GRID1: variants seen among roughly 807,000 people sequenced by gnomAD.
The protein encoded by GRID1 is glutamate receptor ionotropic, delta-1.
In GRID1, 28 loss-of-function variants were observed where a neutral mutation model predicts 98.0. That is an observed-to-expected ratio of 0.29 (90% CI 0.21 to 0.39). The LOEUF is 0.39. Ranked by LOEUF, GRID1 falls within the 10% of genes least tolerant of loss-of-function variation. The pLI is 1.00. For missense variants in GRID1, 1,111 were observed against 1,340.5 expected (o/e 0.83, Z 2.67); for synonymous variants, 553 against 538.5 (o/e 1.03, Z -0.37).
At chr10:86,315,484 A>G (rs577608499) in intron 2 of GRID1, among the ~76,000 whole-genome samples, 2 of 152,314 alleles carry the variant, frequency 1.3e-5, no homozygotes, top group South Asian at 4.1e-4. Flanking sequence ...AACTCCTCTC[A>G]GAACTACTAC....
intron 4 of GRID1, among the ~76,000 whole-genome samples, chr10:85,966,874 C>T (rs1458790389): frequency 6.6e-6 from 1 of 151,788 alleles, no homozygotes; most frequent in African/African-American, 2.4e-5. Context: ...ACTAAGAAAA[C>T]TGAGCAGAGA....
intron 10 of GRID1, among the ~76,000 whole-genome samples, chr10:85,726,145 G>A (rs1841757819): frequency 6.6e-6 from 1 of 152,194 alleles, no homozygotes. Flanking sequence ...GAGATGGCAG[G>A]TGCCTGCAGA....
chr10:85,697,668 C>T (rs1841408729), intron 12 of GRID1, among the ~76,000 whole-genome samples: 1 of 152,154 alleles, frequency 6.6e-6, no homozygotes, highest in African/African-American at 2.4e-5. Flanking sequence ...ATATGAACCA[C>T]CTTCCTTTAC....
intron 4 of GRID1, among the ~76,000 whole-genome samples, chr10:86,108,156 C>T (rs1235322331): frequency 3.9e-5 from 6 of 152,160 alleles, no homozygotes; most frequent in Non-Finnish European, 8.8e-5. Context: ...GGGGTCGGAG[C>T]CCCACAGCCT....
intron 8 of GRID1, among the ~76,000 whole-genome samples, chr10:85,850,658 T>C (rs1843049917): frequency 6.6e-6 from 1 of 151,946 alleles, no homozygotes; most frequent in Non-Finnish European, 1.5e-5. Flanking sequence ...TCTTGTGGAG[T>C]CTGAGATAGA....
At chr10:85,904,645 A>G (rs1841434587) in intron 5 of GRID1, among the ~76,000 whole-genome samples, 1 of 152,196 alleles carries the variant, frequency 6.6e-6, no homozygotes, top group Admixed American at 6.5e-5. Flanking sequence ...TCAAAATATA[A>G]GTAGAGACAT....
At chr10:85,995,819 T>C (rs12767025) in intron 4 of GRID1, among the ~76,000 whole-genome samples, 9,965 of 152,274 alleles carry the variant, frequency 0.065, 395 homozygotes, top group Non-Finnish European at 0.092. Context: ...AGAGTGAGGA[T>C]GTCACAGAGA....
At chr10:85,658,034 C>A (rs543215434) in intron 12 of GRID1, among the ~76,000 whole-genome samples, 1 of 152,254 alleles carries the variant, frequency 6.6e-6, no homozygotes, top group South Asian at 2.1e-4. Context: ...TATATCAGTG[C>A]TGGGGCTCTT....
At chr10:86,031,987 T>C (rs61856025) in intron 4 of GRID1, among the ~76,000 whole-genome samples, 14,897 of 152,180 alleles carry the variant, frequency 0.098, 894 homozygotes, top group African/African-American at 0.17. Context: ...AGGGGCCTTC[T>C]CTCCCCTCCC....
chr10:85,992,444 C>T (rs368863868), intron 4 of GRID1, among the ~76,000 whole-genome samples: 2 of 152,024 alleles, frequency 1.3e-5, no homozygotes, highest in Non-Finnish European at 2.9e-5. Flanking sequence ...TATCTTGAAG[C>T]CTCACTAAGA....
chr10:86,336,352 A>G (rs903029207), intron 2 of GRID1, among the ~76,000 whole-genome samples: 1 of 152,224 alleles, frequency 6.6e-6, no homozygotes, highest in African/African-American at 2.4e-5. Flanking sequence ...ACAGGATTTC[A>G]TGATGGAATG....
chr10:86,172,375 ATACATCAGG>A (rs1845502435), intron 3 of GRID1, among the ~76,000 whole-genome samples: 1 of 152,212 alleles, frequency 6.6e-6, no homozygotes, highest in Non-Finnish European at 1.5e-5. Flanking sequence ...TTGTGTGAGT[ATACATCAGG>A]TACATATTCA....
chr10:85,717,584 G>C (rs1590202792), intron 12 of GRID1, among the ~76,000 whole-genome samples: 2 of 152,308 alleles, frequency 1.3e-5, no homozygotes, highest in East Asian at 3.9e-4. Flanking sequence ...AATTCAAGCT[G>C]AGATTTGGAT....
intron 2 of GRID1, among the ~76,000 whole-genome samples, chr10:86,220,139 GTTCA>G (rs936787480): frequency 6.6e-5 from 10 of 152,286 alleles, no homozygotes; most frequent in African/African-American, 1.9e-4. Flanking sequence ...CTCGGGAAGT[GTTCA>G]TTCATTCATT....
At chr10:86,218,198 G>A (rs1035922481) in intron 2 of GRID1, among the ~76,000 whole-genome samples, 4 of 151,978 alleles carry the variant, frequency 2.6e-5, no homozygotes, top group African/African-American at 4.8e-5. Flanking sequence ...GTTCATGCAC[G>A]CACCAGCAAA....
chr10:86,281,808 T>TC (rs1847361187), intron 2 of GRID1, among the ~76,000 whole-genome samples: 1 of 152,002 alleles, frequency 6.6e-6, no homozygotes, highest in Non-Finnish European at 1.5e-5. Context: ...CTTTAAAAGC[T>TC]CTCCCAGATG....
rs577673989 is a variant in GRID1 at position 86,215,640 on chromosome 10, C to T, written c.236-8992G>A. Among the ~76,000 whole-genome samples, 262 of 152,224 alleles carry T rather than the reference C, an allele frequency of 1.7e-3. 1 individual carries two copies. The highest frequency in any genetic ancestry group is 3.4e-3 in the Middle Eastern group (1 of 294). On this transcript the variant is annotated intron_variant, in intron 2 of 15. Coordinates refer to ENST00000327946, the MANE Select transcript of GRID1 (RefSeq NM_017551.3). Reference sequence around the variant, plus strand: ...GAAAGCAACTGAGCAATGGGGCTTCCTGAAGCACTCCCAGGAACCCAAGCC... The same window carrying T: ...GAAAGCAACTGAGCAATGGGGCTTCTTGAAGCACTCCCAGGAACCCAAGCC...
chr10:85,988,989 T>C (rs1275617855), intron 4 of GRID1, among the ~76,000 whole-genome samples: 1 of 151,952 alleles, frequency 6.6e-6, no homozygotes, highest in Non-Finnish European at 1.5e-5. Context: ...AGGAGGAAAA[T>C]GTGGACAAGA....
At chr10:85,889,453 G>C (rs987183285) in intron 5 of GRID1, among the ~76,000 whole-genome samples, 4 of 151,988 alleles carry the variant, frequency 2.6e-5, no homozygotes, top group Non-Finnish European at 5.9e-5. Context: ...TCTGTGCCTG[G>C]CTAATTTTAC....
Sources: gnomAD v4.1 joint callset for allele counts (sites outside exome capture counted in the v4.1 genomes callset) on GRCh38, gnomAD v4.1.1 for gene constraint, MANE v1.5 for transcripts, NCBI Gene and HGNC (gene_info 2026-07-23, HGNC 2026-07-21) for gene names.